Variants in LARGE1 observed in about 807,000 individuals in gnomAD.
LARGE1 encodes the protein xylosyl- and glucuronyltransferase LARGE1.
In LARGE1, 43 loss-of-function variants were observed where a neutral mutation model predicts 87.6. That is an observed-to-expected ratio of 0.49 (90% CI 0.38 to 0.63). The LOEUF is 0.63. LARGE1 is among the 30% of genes least tolerant of loss of function. The pLI is 0.00. For synonymous variants in LARGE1, 434 were observed against 394.6 expected, an observed-to-expected ratio of 1.10 and a Z score of -1.18; for missense variants, 802 against 1,000.2, an observed-to-expected ratio of 0.80 and a Z score of 2.67.
At chr22:33,157,392 C>A (rs763643540), downstream of LARGE1, among the ~76,000 whole-genome samples, 29 of 152,292 alleles carry the variant, frequency 1.9e-4, no homozygotes, top group African/African-American at 7.0e-4. Flanking sequence ...TGTTTTCCCA[C>A]TTTTTTAAGG....
chr22:33,525,646 TC>T (rs71727777), intron 6 of LARGE1, among the ~76,000 whole-genome samples: 2,564 of 151,946 alleles, frequency 0.017, 55 homozygotes, highest in African/African-American at 0.049. Flanking sequence ...CCCCTATGTT[TC>T]CCCCCCAGCA....
intron 6 of LARGE1, among the ~76,000 whole-genome samples, chr22:33,526,470 C>T (rs896206791): frequency 2.6e-5 from 4 of 152,246 alleles, no homozygotes; most frequent in South Asian, 2.1e-4. Flanking sequence ...AGGCATTTAT[C>T]AGATGAAGAA....
intron 11 of LARGE1, among the ~76,000 whole-genome samples, chr22:33,176,163 T>C (rs903247825): frequency 1.3e-5 from 2 of 152,122 alleles, no homozygotes; most frequent in African/African-American, 2.4e-5. Context: ...TCAAGATGGA[T>C]GAAAGACTTA....
intron 11 of LARGE1, among the ~76,000 whole-genome samples, chr22:33,250,137 C>A (rs1295260585): frequency 6.6e-6 from 1 of 152,174 alleles, no homozygotes; most frequent in Non-Finnish European, 1.5e-5. Context: ...GGTCTGATAT[C>A]TTGATAACAT....
intron 7 of LARGE1, among the ~76,000 whole-genome samples, chr22:33,420,553 A>T (rs954759009): frequency 2.0e-5 from 3 of 152,198 alleles, no homozygotes; most frequent in Non-Finnish European, 4.4e-5. Flanking sequence ...AGGAAGCCAG[A>T]GTGGCTGGAG....
intron 2 of LARGE1, among the ~76,000 whole-genome samples, chr22:33,731,609 C>T (rs2083471100): frequency 6.6e-6 from 1 of 152,056 alleles, no homozygotes; most frequent in Non-Finnish European, 1.5e-5. Context: ...TACAGTTACA[C>T]AAGATGAGTA....
At chr22:33,192,662 T>A (rs1923844199) in intron 11 of LARGE1, among the ~76,000 whole-genome samples, 1 of 152,248 alleles carries the variant, frequency 6.6e-6, no homozygotes, top group South Asian at 2.1e-4. Context: ...ATGCATAAGC[T>A]TTTTAGTTTG....
intron 11 of LARGE1, among the ~76,000 whole-genome samples, chr22:33,222,987 G>T (rs1312589029): frequency 5.9e-5 from 9 of 152,092 alleles, no homozygotes; most frequent in Non-Finnish European, 1.3e-4. Flanking sequence ...TTTCTCACCT[G>T]CTCGCTTACG....
At chr22:33,864,053 G>C (rs1244220976) in intron 1 of LARGE1, among the ~76,000 whole-genome samples, 1 of 152,218 alleles carries the variant, frequency 6.6e-6, no homozygotes, top group African/African-American at 2.4e-5. Flanking sequence ...GAGGGGTGCA[G>C]CTCCCCTTTC....
At chr22:33,846,429 G>C (rs1283237765) in intron 1 of LARGE1, among the ~76,000 whole-genome samples, 2 of 152,080 alleles carry the variant, frequency 1.3e-5, no homozygotes, top group Non-Finnish European at 2.9e-5. Flanking sequence ...GTCGCCTCAG[G>C]ACCATGTGAT....
At position 33,190,716 on chromosome 22, in the gene LARGE1, C is replaced by A. The variant is rs116496464; in HGVS notation, c.1731-23884G>T. 2.7e-3 allele frequency among the ~76,000 whole-genome samples: 413 copies of A among 152,270 alleles called. 3 individuals carry two copies. Among genetic ancestry groups the A allele is most frequent in the African/African-American group, 9.2e-3 (381 of 41,562 alleles). On this transcript the variant is annotated intron_variant, in intron 11 of 11. Coordinates refer to the LARGE1 transcript ENST00000608642. ...GGGGATGAACGTTTTTCAATATCTC[C>A]TTCTACTGCTCTTGGTCTTTGTTCT... is the stretch of plus-strand genomic sequence containing the variant.
intron 6 of LARGE1, among the ~76,000 whole-genome samples, chr22:33,550,238 C>T (rs946201199): frequency 6.6e-6 from 1 of 151,552 alleles, no homozygotes; most frequent in Non-Finnish European, 1.5e-5. Context: ...GATTTCATTT[C>T]TTGGGCCAGT....
chr22:33,193,346 A>G (rs537666601), intron 11 of LARGE1, among the ~76,000 whole-genome samples: 6 of 152,336 alleles, frequency 3.9e-5, no homozygotes, highest in Middle Eastern at 6.8e-3. Flanking sequence ...TGAGAAAAGC[A>G]AAAAGAGAGA....
chr22:33,348,440 A>G (rs1048586837), intron 9 of LARGE1, among the ~76,000 whole-genome samples: 3 of 152,174 alleles, frequency 2.0e-5, no homozygotes, highest in Admixed American at 2.0e-4. Context: ...TTAAAATAAA[A>G]TAATAATACC....
intron 11 of LARGE1, among the ~76,000 whole-genome samples, chr22:33,195,866 T>G (rs1449945777): frequency 6.6e-6 from 1 of 151,016 alleles, no homozygotes; most frequent in African/African-American, 2.4e-5. Flanking sequence ...GCTATTCTCC[T>G]GCCTCAGCCT....
At chr22:33,792,102 G>A (rs1219990915) in intron 1 of LARGE1, among the ~76,000 whole-genome samples, 10 of 152,068 alleles carry the variant, frequency 6.6e-5, no homozygotes, top group African/African-American at 9.7e-5. Context: ...ACGTCAATTC[G>A]GTAAAACAGA....
At chr22:33,700,466 C>G (rs2082373514) in intron 2 of LARGE1, among the ~76,000 whole-genome samples, 1 of 152,178 alleles carries the variant, frequency 6.6e-6, no homozygotes, top group Admixed American at 6.5e-5. Context: ...GTGTAAATGA[C>G]TAAATAAAAT....
intron 2 of LARGE1, among the ~76,000 whole-genome samples, chr22:33,696,151 G>C (rs2082239225): frequency 1.3e-5 from 2 of 152,078 alleles, no homozygotes; most frequent in Admixed American, 6.5e-5. Context: ...GAATACCTGG[G>C]CTGTTTTTGC....
chr22:33,556,869 G>A (rs2077706164), intron 6 of LARGE1, among the ~76,000 whole-genome samples: 2 of 152,218 alleles, frequency 1.3e-5, no homozygotes, highest in African/African-American at 4.8e-5. Flanking sequence ...AGCCAGGCGT[G>A]GTGGTGCACG....
Sources: gnomAD v4.1 joint callset for allele counts (sites outside exome capture counted in the v4.1 genomes callset) on GRCh38, gnomAD v4.1.1 for gene constraint, MANE v1.5 for transcripts, NCBI Gene and HGNC (gene_info 2026-07-23, HGNC 2026-07-21) for gene names.